Variants in CRTAC1 observed in about 807,000 individuals in gnomAD.
CRTAC1 encodes the protein acidic secreted protein in cartilage.
In CRTAC1, 37 loss-of-function variants were observed where a neutral mutation model predicts 67.8. That is an observed-to-expected ratio of 0.55 (90% CI 0.42 to 0.72). CRTAC1 has a LOEUF of 0.72. Among genes scored for constraint, CRTAC1 ranks in the 30% least tolerant of loss-of-function variants. The pLI, the probability that CRTAC1 is intolerant of heterozygous loss-of-function variation, is 0.00. For synonymous variants in CRTAC1, 348 were observed against 371.0 expected (o/e 0.94, Z 0.71); for missense variants, 780 against 931.6 (o/e 0.84, Z 2.12).
intron 5 of CRTAC1, among the ~76,000 whole-genome samples, chr10:97,910,368 C>A (rs2050673443): frequency 6.6e-6 from 1 of 152,172 alleles, no homozygotes. Flanking sequence ...GTCTGAGAAG[C>A]AGTTGCAGGA....
At position 97,975,948 on chromosome 10, in the gene CRTAC1, C is replaced by T. The variant is rs1249681346; in HGVS notation, c.224+35190G>A. ...GGCCCGTTCCCCGAACCACATCTTACATCTTCGGGCCCCTATAGAGACCAC... is the reference window on the plus strand; with the variant it reads ...GGCCCGTTCCCCGAACCACATCTTATATCTTCGGGCCCCTATAGAGACCAC... On this transcript the variant is annotated intron_variant, in intron 2 of 14. Transcript: ENST00000370597. The surrounding 1 kb of genome is among the most constrained non-coding windows in gnomAD (Gnocchi z 4.8). Among the ~76,000 whole-genome samples, 1 of 152,194 alleles carries T rather than the reference C, an allele frequency of 6.6e-6. No individual in the cohort carries two copies. Among genetic ancestry groups the T allele is most frequent in the Non-Finnish European group, 1.5e-5 (1 of 68,034 alleles).
intron 1 of CRTAC1, among the ~76,000 whole-genome samples, chr10:98,023,289 A>G (rs1843158947): frequency 6.6e-6 from 1 of 152,164 alleles, no homozygotes; most frequent in East Asian, 1.9e-4. Context: ...AGGTTTACAT[A>G]GTCCTTGTGC....
intron 5 of CRTAC1, 105 bp from the exon 6 acceptor site, chr10:97,908,252 T>G: frequency 8.0e-7 from 1 of 1,243,176 alleles, no homozygotes; most frequent in Non-Finnish European, 1.1e-6. Context: ...CAGAGGCTCC[T>G]CAGAGGAGCC....
chr10:97,872,970 A>C (rs1270469311), intron 14 of CRTAC1, among the ~76,000 whole-genome samples: 1 of 152,226 alleles, frequency 6.6e-6, no homozygotes, highest in Non-Finnish European at 1.5e-5. Context: ...GCATTGCTGG[A>C]AGTGAAACCA....
intron 2 of CRTAC1, among the ~76,000 whole-genome samples, chr10:98,010,334 C>T (rs886299273): frequency 6.6e-6 from 1 of 152,138 alleles, no homozygotes; most frequent in Non-Finnish European, 1.5e-5. Flanking sequence ...GCCACTGCAC[C>T]CGGCCCTCAA....
chr10:97,986,463 A>G (rs1007650685), intron 2 of CRTAC1, among the ~76,000 whole-genome samples: 65 of 152,238 alleles, frequency 4.3e-4, no homozygotes, highest in African/African-American at 1.6e-3. Context: ...GTCATGGCAC[A>G]GTGAACTTTC....
chr10:97,985,180 G>A (rs2051959954), intron 2 of CRTAC1, among the ~76,000 whole-genome samples: 1 of 152,150 alleles, frequency 6.6e-6, no homozygotes, highest in African/African-American at 2.4e-5. Context: ...GAAAGGAAGA[G>A]AGAATAGATG....
intron 1 of CRTAC1, among the ~76,000 whole-genome samples, chr10:98,013,881 T>C (rs1408333163): frequency 6.6e-6 from 1 of 152,104 alleles, no homozygotes; most frequent in African/African-American, 2.4e-5. Flanking sequence ...GTGTGGATCC[T>C]GAACTCACCC....
intron 11 of CRTAC1, among the ~76,000 whole-genome samples, chr10:97,886,613 T>C (rs560364987): frequency 7.2e-5 from 11 of 152,078 alleles, no homozygotes; most frequent in African/African-American, 2.7e-4. Context: ...AAAATGGGAC[T>C]GGGGAGTGCC....
chr10:97,915,520 C>T (rs1234167591), intron 5 of CRTAC1, among the ~76,000 whole-genome samples: 6 of 152,230 alleles, frequency 3.9e-5, no homozygotes, highest in African/African-American at 1.2e-4. Flanking sequence ...TCTCAGGCCC[C>T]CTGGCACCAC....
At chr10:98,015,351 G>C (rs1416951401) in intron 1 of CRTAC1, among the ~76,000 whole-genome samples, 1 of 152,118 alleles carries the variant, frequency 6.6e-6, no homozygotes, top group East Asian at 1.9e-4. Flanking sequence ...TGGGTATAGG[G>C]GGAAATGGGA....
intron 14 of CRTAC1, 97 bp downstream of exon 14, chr10:97,880,152 G>C: frequency 7.2e-7 from 1 of 1,396,398 alleles, no homozygotes; most frequent in Middle Eastern, 2.3e-4. Flanking sequence ...GCCAGGAGAA[G>C]GAAGGGGCTG....
At chr10:97,931,933 C>T (rs992833302) in intron 3 of CRTAC1, among the ~76,000 whole-genome samples, 13 of 152,176 alleles carry the variant, frequency 8.5e-5, no homozygotes, top group African/African-American at 3.1e-4. Context: ...CTGCGTCCTG[C>T]ACACTCTCCT....
rs542432980 is a variant in CRTAC1 at position 97,963,020 on chromosome 10, C to T, written c.225-26654G>A. On this transcript the variant is annotated intron_variant, in intron 2 of 14. Coordinates refer to ENST00000370597, the MANE Select transcript of CRTAC1 (RefSeq NM_018058.7). Reference sequence around the variant, plus strand: ...GTTCCAAAATTACAGCCAGGCGACACAACAGCAGCTCCTCCTCTCCCCCAT... The same window carrying T: ...GTTCCAAAATTACAGCCAGGCGACATAACAGCAGCTCCTCCTCTCCCCCAT... Among the ~76,000 whole-genome samples the T allele has an allele frequency of 7.2e-5, 11 of 152,246 alleles. No individual in the cohort carries two copies. In the South Asian group the frequency reaches 2.3e-3, roughly 32 times the overall value.
intron 2 of CRTAC1, among the ~76,000 whole-genome samples, chr10:97,966,345 A>G (rs2051615961): frequency 6.6e-6 from 1 of 152,234 alleles, no homozygotes; most frequent in Non-Finnish European, 1.5e-5. Flanking sequence ...CCTGGCCTCA[A>G]GTGGTCTGCC....
chr10:97,962,084 T>C (rs2051535400), intron 2 of CRTAC1, among the ~76,000 whole-genome samples: 1 of 152,198 alleles, frequency 6.6e-6, no homozygotes, highest in Non-Finnish European at 1.5e-5. Flanking sequence ...AAATCCCTGT[T>C]CTCAGATGTG....
intron 2 of CRTAC1, among the ~76,000 whole-genome samples, chr10:97,969,715 T>A (rs928715616): frequency 1.3e-5 from 2 of 152,028 alleles, no homozygotes; most frequent in African/African-American, 4.8e-5. Context: ...TGATCATGCC[T>A]TATCTCCCCA....
intron 1 of CRTAC1, among the ~76,000 whole-genome samples, chr10:98,012,480 T>C (rs1459269290): frequency 1.3e-5 from 2 of 152,232 alleles, no homozygotes; most frequent in Middle Eastern, 3.2e-3. Context: ...AGCGGTACTT[T>C]CCTGCCTTCA....
chr10:97,885,151 G>C (rs983219948), intron 11 of CRTAC1, among the ~76,000 whole-genome samples: 9 of 152,296 alleles, frequency 5.9e-5, no homozygotes, highest in Admixed American at 3.9e-4. Flanking sequence ...GTCTAGTCAG[G>C]TGGTCAGGGA....
Sources: allele counts gnomAD v4.1 joint callset (sites outside exome capture counted in the v4.1 genomes callset), GRCh38; gene constraint gnomAD v4.1.1; non-coding constraint Gnocchi (gnomAD v3.1); transcripts MANE v1.5; gene names NCBI Gene and HGNC (gene_info 2026-07-23, HGNC 2026-07-21).